FRYL: variants seen among roughly 807,000 people sequenced by gnomAD.
FRYL encodes FRY like transcription coactivator.
A neutral mutation model predicts 351.2 loss-of-function variants in FRYL; 150 were observed. The ratio of observed to expected loss-of-function variants is 0.43; its 90% CI spans 0.37 to 0.49. FRYL has a LOEUF of 0.49. Ranked by LOEUF, FRYL falls within the 20% of genes least tolerant of loss-of-function variation. The pLI, the probability that FRYL is intolerant of heterozygous loss-of-function variation, is 0.00. For missense variants in FRYL, 3,036 were observed against 3,619.3 expected (o/e 0.84, Z 4.13); for synonymous variants, 1,153 against 1,257.1 (o/e 0.92, Z 1.75).
chr4:48,514,943 T>A, intron 56 of FRYL, 85 bp downstream of exon 56: 1 of 1,153,286 alleles, frequency 8.7e-7, no homozygotes, highest in Non-Finnish European at 1.2e-6. Flanking sequence ...TGAAAGTAAG[T>A]AAACTGAAAC....
At position 48,535,749 on chromosome 4, in the gene FRYL, T is replaced by C; in HGVS notation, c.6472A>G (p.Arg2158Gly). The change falls in exon 48 of 64, where the codon AGA becomes GGA. Residue 2158 changes from arginine to glycine, a missense_variant. Around this residue, in one of 7 missense-constraint regions of FRYL, gnomAD observed 1,987 missense variants for 2,311.7 expected, o/e 0.86. Transcript: ENST00000358350. ...MSLYSTHTYS[R>G]DCSNWINVVC... ...ACATTGATCCAGTTAGAACAGTCTCTGGAATACGTGTGTGTACTGTACAAA... is the reference window on the plus strand; with the variant it reads ...ACATTGATCCAGTTAGAACAGTCTCCGGAATACGTGTGTGTACTGTACAAA... 1 of 1,611,300 alleles carries C rather than the reference T, an allele frequency of 6.2e-7. No individual in the cohort carries two copies. The highest frequency in any genetic ancestry group is 8.5e-7 in the Non-Finnish European group (1 of 1,178,380).
intron 1 of FRYL, among the ~76,000 whole-genome samples, chr4:48,719,091 A>G (rs1769186270): frequency 6.6e-6 from 1 of 151,644 alleles, no homozygotes; most frequent in Non-Finnish European, 1.5e-5. Context: ...TTCCTAGCGC[A>G]TAACTCTGAT....
At chr4:48,764,711 C>T (rs1344631247) in intron 1 of FRYL, among the ~76,000 whole-genome samples, 3 of 152,108 alleles carry the variant, frequency 2.0e-5, no homozygotes, top group Non-Finnish European at 4.4e-5. Flanking sequence ...GACACCATTA[C>T]ATAGAAAAAT....
chr4:48,632,104 A>G (rs975303319), intron 4 of FRYL, among the ~76,000 whole-genome samples: 43 of 49,852 alleles, frequency 8.6e-4, no homozygotes, highest in South Asian at 3.2e-3. Context: ...ATATATATAT[A>G]TATATATATA....
chr4:48,531,278 C>A lies in FRYL; in HGVS notation c.6781G>T (p.Asp2261Tyr). 1 of 1,613,542 alleles carries A rather than the reference C, an allele frequency of 6.2e-7. No individual in the cohort carries two copies. Among genetic ancestry groups the A allele is most frequent in the Non-Finnish European group, 8.5e-7 (1 of 1,179,574 alleles). The change falls in exon 50 of 64, where the codon GAT becomes TAT. Residue 2261 changes from aspartate (D) to tyrosine (Y), a missense_variant. Coordinates refer to ENST00000358350, the MANE Select transcript of FRYL (RefSeq NM_015030.2). ...SRSASLVVPS[D>Y]IPKTYGGDTG... ...TCTCCTCCATAGGTCTTGGGGATAT[C>A]ACTGGGTACGACAAGACTCGCAGAG...
At chr4:48,747,223 A>G (rs1772789454) in intron 1 of FRYL, among the ~76,000 whole-genome samples, 2 of 151,584 alleles carry the variant, frequency 1.3e-5, no homozygotes, top group Non-Finnish European at 2.9e-5. Flanking sequence ...TGTAATTCAT[A>G]TGCTGAGGAC....
In FRYL at chr4:48,582,676, G is replaced by C. The variant is rs747517529; in HGVS notation, c.1807C>G (p.Leu603Val). The change falls in exon 20 of 64, where the codon CTA (leucine) becomes GTA (valine). Residue 603 changes from leucine to valine, a missense_variant. Physicochemically the swap from Leu to Val is conservative, Grantham distance 32 (BLOSUM62 1). Coordinates refer to ENST00000358350, the MANE Select transcript of FRYL (RefSeq NM_015030.2). Reference protein sequence around the residue: ...RALAFNTLQALMLDFPDWRED... With the variant: ...RALAFNTLQAVMLDFPDWRED... ...CGCCAATCTGGAAAATCAAGCATTA[G>C]TGCCTGCAGAGTATTGAAAGCCAGA... 9 of 1,613,994 alleles carry C rather than the reference G, an allele frequency of 5.6e-6. No individual in the cohort carries two copies. The African/African-American group carries it at 9.3e-5, about 17-fold the overall frequency.
chr4:48,504,482 GC>G (rs1720465620), intron 60 of FRYL, among the ~76,000 whole-genome samples: 2 of 152,096 alleles, frequency 1.3e-5, no homozygotes, highest in South Asian at 4.1e-4. Context: ...CCGAAGTGAT[GC>G]AGTTAAACAG....
chr4:48,732,403 T>C (rs932422068), intron 1 of FRYL, among the ~76,000 whole-genome samples: 6 of 152,170 alleles, frequency 3.9e-5, no homozygotes, highest in African/African-American at 1.4e-4. Flanking sequence ...AAATACCATT[T>C]GACCCAGCAA....
intron 3 of FRYL, among the ~76,000 whole-genome samples, chr4:48,661,763 T>C (rs1258699930): frequency 2.0e-5 from 3 of 152,274 alleles, no homozygotes; most frequent in South Asian, 2.1e-4. Context: ...AACCAGTCAA[T>C]AGAGTAGACC....
intron 24 of FRYL, 107 bp downstream of exon 24, chr4:48,575,923 C>A: frequency 1.1e-6 from 1 of 902,036 alleles, no homozygotes; most frequent in Non-Finnish European, 1.6e-6. Flanking sequence ...GTAAGTAACA[C>A]ATTTTCAACT....
chr4:48,709,066 G>C lies in FRYL; in HGVS notation c.-204+1453C>G, dbSNP rs552922278. Reference sequence around the variant, plus strand: ...CCTCCCGAGTAGCTGGAACTACAGCGCCCGCCACCACGCCTGGCTAATTTT... The same window carrying C: ...CCTCCCGAGTAGCTGGAACTACAGCCCCCGCCACCACGCCTGGCTAATTTT... On this transcript the variant is annotated intron_variant, in intron 2 of 63. Transcript: ENST00000358350. 1.1e-4 allele frequency among the ~76,000 whole-genome samples: 17 copies of C among 151,864 alleles called. No individual in the cohort carries two copies. In the South Asian group the frequency reaches 3.5e-3, roughly 32 times the overall value.
At chr4:48,542,243 TTGAGCAACA>T (rs1257465323) in intron 44 of FRYL, 122 bp from the exon 45 acceptor site, 4 of 692,736 alleles carry the variant, frequency 5.8e-6, no homozygotes, top group Non-Finnish European at 7.6e-6. Context: ...GATTAAACTC[TTGAGCAACA>T]TGATCTTGCT....
chr4:48,712,231 G>A (rs1230796778), intron 1 of FRYL, among the ~76,000 whole-genome samples: 1 of 152,198 alleles, frequency 6.6e-6, no homozygotes, highest in Non-Finnish European at 1.5e-5. Context: ...TGACTTTGAC[G>A]AGTTGAGAGA....
intron 2 of FRYL, among the ~76,000 whole-genome samples, chr4:48,709,369 C>T (rs1767764877): frequency 1.3e-5 from 2 of 151,944 alleles, no homozygotes; most frequent in African/African-American, 4.8e-5. Context: ...TTGGAGTGGA[C>T]AGAAAGAGAC....
chr4:48,769,456 C>A (rs1277676320), intron 1 of FRYL, among the ~76,000 whole-genome samples: 1 of 152,184 alleles, frequency 6.6e-6, no homozygotes, highest in Admixed American at 6.5e-5. Flanking sequence ...GAGAAACTTT[C>A]ATATCGATGA....
chr4:48,603,419 T>C, intron 11 of FRYL, 31 bp from the exon 12 acceptor site: 1 of 1,298,044 alleles, frequency 7.7e-7, no homozygotes, highest in Non-Finnish European at 1.1e-6. Flanking sequence ...ACAAAGAAAA[T>C]GATACAGATG....
chr4:48,546,919 TA>T (rs1185200404), intron 41 of FRYL, among the ~76,000 whole-genome samples: 2 of 151,966 alleles, frequency 1.3e-5, no homozygotes, highest in Non-Finnish European at 2.9e-5. Context: ...TTTAAATAAA[TA>T]ACAGGGTTTT....
At chr4:48,599,585 A>G (rs1427824773) in intron 13 of FRYL, among the ~76,000 whole-genome samples, 1 of 152,212 alleles carries the variant, frequency 6.6e-6, no homozygotes, top group Non-Finnish European at 1.5e-5. Context: ...TAAAATATTC[A>G]GTGCTTATAT....
Sources: allele counts gnomAD v4.1 joint callset (sites outside exome capture counted in the v4.1 genomes callset), GRCh38; gene constraint gnomAD v4.1.1; regional missense constraint gnomAD v4.1.1; transcripts MANE v1.5; gene names NCBI Gene and HGNC (gene_info 2026-07-23, HGNC 2026-07-21).